The following PTPRG variants were observed in gnomAD, a reference collection of about 807,000 sequenced individuals.
PTPRG encodes protein tyrosine phosphatase receptor type G.
Under a neutral mutation model 165.3 loss-of-function variants are expected in PTPRG, and 102 were observed. The observed-to-expected ratio is 0.62, with a 90% CI of 0.53 to 0.73. The LOEUF is 0.73. Among genes scored for constraint, PTPRG ranks in the 30% least tolerant of loss-of-function variants. The pLI, the probability that PTPRG is intolerant of heterozygous loss-of-function variation, is 0.00. For synonymous variants in PTPRG, 675 were observed against 669.5 expected (o/e 1.01, Z -0.13); for missense variants, 1,866 against 1,861.4 (o/e 1.00, Z -0.05).
At chr3:61,759,049 T>C (rs934976759) in intron 2 of PTPRG, among the ~76,000 whole-genome samples, 2 of 152,194 alleles carry the variant, frequency 1.3e-5, no homozygotes, top group African/African-American at 2.4e-5. Flanking sequence ...AAAGTGGTGG[T>C]GTTAGTTTCA....
chr3:62,257,404 T>C (rs545266529), intron 16 of PTPRG, among the ~76,000 whole-genome samples: 16 of 152,262 alleles, frequency 1.1e-4, no homozygotes, highest in Admixed American at 2.6e-4. Context: ...GTTAAGGTAA[T>C]CTTAGTCTCA....
At chr3:61,776,536 A>G (rs2034388408) in intron 2 of PTPRG, among the ~76,000 whole-genome samples, 1 of 152,156 alleles carries the variant, frequency 6.6e-6, no homozygotes, top group Non-Finnish European at 1.5e-5. Context: ...AGAAAATTTC[A>G]GAGGAGAAAG....
chr3:61,978,754 A>G (rs2040567417), intron 2 of PTPRG, among the ~76,000 whole-genome samples: 1 of 152,212 alleles, frequency 6.6e-6, no homozygotes, highest in Admixed American at 6.5e-5. Context: ...TGTCTCTTTT[A>G]AAACTACTCA....
chr3:61,637,408 G>A (rs1323012683), intron 1 of PTPRG, among the ~76,000 whole-genome samples: 2 of 152,288 alleles, frequency 1.3e-5, no homozygotes, highest in Middle Eastern at 3.4e-3. Context: ...GTTTTTGAGA[G>A]GACTGAGTGA....
At chr3:62,114,231 G>C (rs1054143925) in intron 5 of PTPRG, among the ~76,000 whole-genome samples, 1 of 152,066 alleles carries the variant, frequency 6.6e-6, no homozygotes. Flanking sequence ...CTTGGGAGGC[G>C]GAGGTTGTAG....
In PTPRG at chr3:62,168,123, A is replaced by G; in HGVS notation, c.993A>G (p.Thr331=). The G allele has an allele frequency of 6.2e-7, 1 of 1,614,124 alleles. No individual in the cohort carries two copies. Among genetic ancestry groups the G allele is most frequent in the South Asian group, 1.1e-5 (1 of 91,078 alleles). ...GTGACTCCTGGAACCACGACATGACAGACTTCTTAGAAAACCCACTGGGGA... is the reference window on the plus strand; with the variant it reads ...GTGACTCCTGGAACCACGACATGACGGACTTCTTAGAAAACCCACTGGGGA... The part of the protein sequence containing the change: ...AVRDSWNHDM[T]DFLENPLGTE... The change falls in exon 8 of 30, where the codon ACA becomes ACG. Residue 331 remains threonine (T), a synonymous_variant. Coordinates refer to ENST00000474889, the MANE Select transcript of PTPRG (RefSeq NM_002841.4).
intron 1 of PTPRG, among the ~76,000 whole-genome samples, chr3:61,660,716 A>G (rs1702633491): frequency 1.3e-5 from 2 of 152,128 alleles, no homozygotes; most frequent in Non-Finnish European, 2.9e-5. Flanking sequence ...TATTAAAAAA[A>G]CCTGACTGGA....
intron 1 of PTPRG, among the ~76,000 whole-genome samples, chr3:61,626,698 G>A (rs79776111): frequency 0.011 from 1,621 of 152,312 alleles, 24 homozygotes; most frequent in African/African-American, 0.037. Context: ...AAGTGGGGCA[G>A]GTGCTCAACT....
At chr3:61,873,443 TATAGAC>T (rs2037639161) in intron 2 of PTPRG, among the ~76,000 whole-genome samples, 1 of 152,056 alleles carries the variant, frequency 6.6e-6, no homozygotes, top group Non-Finnish European at 1.5e-5. Context: ...AGCAAAAAAA[TATAGAC>T]ATAGCAAAAT....
chr3:61,693,880 C>T (rs377027120), intron 1 of PTPRG, among the ~76,000 whole-genome samples: 4 of 151,776 alleles, frequency 2.6e-5, no homozygotes, highest in South Asian at 2.1e-4. Context: ...TGGCAGCGGG[C>T]GCTTGTAGTC....
chr3:62,111,276 G>A (rs1702658180), intron 5 of PTPRG, among the ~76,000 whole-genome samples: 2 of 152,140 alleles, frequency 1.3e-5, no homozygotes, highest in Admixed American at 1.3e-4. Flanking sequence ...TGGAATCCAC[G>A]AGGCCAGCCT....
At chr3:61,732,065 A>G (rs1251300356) in intron 1 of PTPRG, among the ~76,000 whole-genome samples, 1 of 152,010 alleles carries the variant, frequency 6.6e-6, no homozygotes, top group African/African-American at 2.4e-5. Flanking sequence ...TGGCATCCCA[A>G]AGTTCTGGGA....
In PTPRG at chr3:62,248,289, C is replaced by T. The variant is rs114967154; in HGVS notation, c.2467+4391C>T. Reference sequence around the variant, plus strand: ...GGGAAAAGTAGGAGCAGGAGAGATACGTTAAACTGTGACTTCTGCAGGAGA... The same window carrying T: ...GGGAAAAGTAGGAGCAGGAGAGATATGTTAAACTGTGACTTCTGCAGGAGA... On this transcript the variant is annotated intron_variant, in intron 15 of 29. Coordinates refer to ENST00000474889, the MANE Select transcript of PTPRG (RefSeq NM_002841.4). Among the ~76,000 whole-genome samples the T allele has an allele frequency of 8.9e-3, 1,361 of 152,178 alleles. 14 individuals carry two copies. The highest frequency in any genetic ancestry group is 0.017 in the South Asian group (82 of 4,818).
chr3:62,061,352 A>G (rs1241448709), intron 4 of PTPRG, among the ~76,000 whole-genome samples: 1 of 152,192 alleles, frequency 6.6e-6, no homozygotes, highest in East Asian at 1.9e-4. Flanking sequence ...TGTTTTCTAT[A>G]TCCACTAACA....
chr3:61,719,826 C>T (rs2031973791), intron 1 of PTPRG, among the ~76,000 whole-genome samples: 1 of 152,152 alleles, frequency 6.6e-6, no homozygotes, highest in Admixed American at 6.5e-5. Context: ...ACTTCCCAGA[C>T]ACCCTTGTGC....
intron 2 of PTPRG, among the ~76,000 whole-genome samples, chr3:61,888,551 T>A (rs1352636895): frequency 6.6e-6 from 1 of 152,158 alleles, no homozygotes; most frequent in African/African-American, 2.4e-5. Flanking sequence ...CAGGATGGTC[T>A]CGATCTCCTG....
intron 4 of PTPRG, among the ~76,000 whole-genome samples, chr3:62,043,855 G>A (rs1419928274): frequency 1.3e-5 from 2 of 152,102 alleles, no homozygotes; most frequent in African/African-American, 4.8e-5. Context: ...CAAAGTTGTC[G>A]GTGGAAGAAA....
At chr3:61,943,223 T>C (rs564421504) in intron 2 of PTPRG, among the ~76,000 whole-genome samples, 16 of 152,342 alleles carry the variant, frequency 1.1e-4, no homozygotes, top group African/African-American at 3.8e-4. Flanking sequence ...GTTTTTGGTC[T>C]AACCACATCC....
At chr3:61,569,738 T>C (rs1227257191) in intron 1 of PTPRG, among the ~76,000 whole-genome samples, 1 of 152,202 alleles carries the variant, frequency 6.6e-6, no homozygotes, top group African/African-American at 2.4e-5. Context: ...ACATACGTGA[T>C]GGGTTTTTGT....
Sources: allele counts gnomAD v4.1 joint callset (sites outside exome capture counted in the v4.1 genomes callset), GRCh38; gene constraint gnomAD v4.1.1; transcripts MANE v1.5; gene names NCBI Gene and HGNC (gene_info 2026-07-23, HGNC 2026-07-21).